The following RYR2 variants were observed in gnomAD, a reference collection of about 807,000 sequenced individuals.
RYR2 encodes the protein cardiac muscle ryanodine receptor-calcium release channel.
RYR2 carries 227 observed loss-of-function variants against 601.1 expected under a neutral mutation model. That is an observed-to-expected ratio of 0.38 (90% confidence interval 0.34 to 0.42). The LOEUF (loss-of-function observed/expected upper bound fraction) is 0.42. RYR2 is among the 10% of genes least tolerant of loss of function. RYR2 has a pLI of 1.00. For synonymous variants in RYR2, 2,223 were observed against 2,175.1 expected (o/e 1.02, Z -0.61); for missense variants, 4,646 against 6,156.5 (o/e 0.75, Z 8.21).
rs187139482 is a variant in RYR2, at chr1:237,316,784, T to G, written c.169-14094T>G. On this transcript the variant is annotated intron_variant, in intron 2 of 104. Coordinates refer to ENST00000366574, the MANE Select transcript of RYR2 (RefSeq NM_001035.3). The stretch of plus-strand genomic sequence containing the variant: ...ATTTTATTTTTTAAAGATGTTCATT[T>G]TACTTGCTTCTTTCCTGGGACTATT... Among the ~76,000 whole-genome samples the G allele has an allele frequency of 2.6e-5, 4 of 152,340 alleles. No individual in the cohort carries two copies. In the East Asian group the frequency reaches 5.8e-4, roughly 22 times the overall value.
intron 2 of RYR2, among the ~76,000 whole-genome samples, chr1:237,296,857 C>A (rs1294917349): frequency 2.6e-5 from 4 of 152,106 alleles, no homozygotes; most frequent in Non-Finnish European, 4.4e-5. Context: ...AGATAAAAAT[C>A]TTTCTTGGAA....
At chr1:237,827,627 CA>C (rs55896893) in intron 101 of RYR2, among the ~76,000 whole-genome samples, 6,215 of 79,278 alleles carry the variant, frequency 0.078, 306 homozygotes, top group African/African-American at 0.23. Flanking sequence ...AAGACTGTCT[CA>C]AAAAAAAAAA....
chr1:237,419,398 T>C (rs1449325482), intron 11 of RYR2, among the ~76,000 whole-genome samples: 1 of 152,214 alleles, frequency 6.6e-6, no homozygotes, highest in Non-Finnish European at 1.5e-5. Flanking sequence ...ATCTAGATTA[T>C]TCTTCAAACT....
At chr1:237,746,854 GAAATAATAAT>G (rs1429882390) in intron 80 of RYR2, among the ~76,000 whole-genome samples, 22 of 151,910 alleles carry the variant, frequency 1.4e-4, no homozygotes, top group Non-Finnish European at 2.9e-4. Context: ...TTTGCTAAGG[GAAATAATAAT>G]AAATAATAAT....
At chr1:237,298,080 A>G (rs964820940) in intron 2 of RYR2, among the ~76,000 whole-genome samples, 2 of 152,046 alleles carry the variant, frequency 1.3e-5, no homozygotes, top group African/African-American at 4.8e-5. Context: ...AAATATTACA[A>G]TGATGCTACT....
intron 1 of RYR2, among the ~76,000 whole-genome samples, chr1:237,057,882 G>A (rs1012788770): frequency 2.6e-5 from 4 of 152,094 alleles, no homozygotes; most frequent in East Asian, 3.9e-4. Flanking sequence ...TTCTTAATTC[G>A]AGAGCACATA....
At chr1:237,276,291 G>A (rs576199036) in intron 2 of RYR2, among the ~76,000 whole-genome samples, 8 of 152,178 alleles carry the variant, frequency 5.3e-5, no homozygotes, top group African/African-American at 1.9e-4. Flanking sequence ...GTAGAGACGG[G>A]GTTTTGCCAT....
At position 237,417,077 on chromosome 1, in the gene RYR2, T is replaced by TAA. The variant is rs1705080264; in HGVS notation, c.802_803insAA (p.Ser268Ter). The TAA allele has an allele frequency of 1.2e-6, 2 of 1,613,854 alleles. No individual in the cohort carries two copies. The highest frequency in any genetic ancestry group is 2.7e-5 in the African/African-American group (2 of 74,924). ...TGTTCATTATGAAGGTGGCGCTGTG[T>TAA]CTGTTCATGCACGTTCCCTTTGGAG... ...RTVHYEGGAV[S>*]VHARSLWRLE... The change falls in exon 11 of 105, where the codon TCT becomes TAACT. Residue 268 changes from serine to a stop codon, truncating the protein, a stop_gained and frameshift_variant. Transcript: ENST00000366574. LOFTEE classifies it high-confidence loss of function.
At chr1:237,126,688 A>G (rs1260514172) in intron 1 of RYR2, among the ~76,000 whole-genome samples, 1 of 152,154 alleles carries the variant, frequency 6.6e-6, no homozygotes, top group Non-Finnish European at 1.5e-5. Context: ...TGGCAGTTCT[A>G]ATTCTGTCTT....
intron 1 of RYR2, among the ~76,000 whole-genome samples, chr1:237,183,182 A>G (rs1401650140): frequency 6.6e-6 from 1 of 152,182 alleles, no homozygotes; most frequent in Non-Finnish European, 1.5e-5. Context: ...TTCAAAATAT[A>G]TCATCCTAAC....
chr1:237,102,328 A>T (rs1668200344), intron 1 of RYR2, among the ~76,000 whole-genome samples: 1 of 152,130 alleles, frequency 6.6e-6, no homozygotes, highest in African/African-American at 2.4e-5. Flanking sequence ...GGAAGGTTGA[A>T]AATATATTTC....
intron 1 of RYR2, among the ~76,000 whole-genome samples, chr1:237,150,359 A>G (rs1387797039): frequency 6.6e-6 from 1 of 152,180 alleles, no homozygotes; most frequent in African/African-American, 2.4e-5. Flanking sequence ...TTGGCCCTCA[A>G]TCTATCAATA....
At chr1:237,749,982 C>T (rs1692407378) in intron 80 of RYR2, among the ~76,000 whole-genome samples, 1 of 151,854 alleles carries the variant, frequency 6.6e-6, no homozygotes, top group South Asian at 2.1e-4. Flanking sequence ...CCCATCTCTG[C>T]TAAAAATACA....
chr1:237,820,914 G>T (rs1185740141), intron 101 of RYR2, among the ~76,000 whole-genome samples: 2 of 152,140 alleles, frequency 1.3e-5, no homozygotes, highest in South Asian at 2.1e-4. Context: ...TGGGAAGTTC[G>T]AACTGGGTGG....
intron 41 of RYR2, among the ~76,000 whole-genome samples, chr1:237,630,890 T>TTC (rs1680169141): frequency 6.6e-6 from 1 of 152,194 alleles, no homozygotes; most frequent in Non-Finnish European, 1.5e-5. Context: ...TATACTCAGT[T>TTC]TCTCTTGGAG....
intron 1 of RYR2, among the ~76,000 whole-genome samples, chr1:237,159,878 A>G (rs1362438980): frequency 6.6e-6 from 1 of 152,208 alleles, no homozygotes; most frequent in Non-Finnish European, 1.5e-5. Context: ...ATTTAGTGGA[A>G]ACACTCCCTT....
At chr1:237,573,176 A>G (rs553516714) in intron 29 of RYR2, among the ~76,000 whole-genome samples, 1 of 152,016 alleles carries the variant, frequency 6.6e-6, no homozygotes, top group South Asian at 2.1e-4. Flanking sequence ...CTGACTATTA[A>G]AGTATGTGGT....
chr1:237,775,614 T>C (rs963207176), intron 87 of RYR2, among the ~76,000 whole-genome samples: 1 of 152,170 alleles, frequency 6.6e-6, no homozygotes, highest in African/African-American at 2.4e-5. Context: ...TCCAACACCA[T>C]TGAAATAAAT....
chr1:237,508,872 A>T (rs1213770099), intron 23 of RYR2, among the ~76,000 whole-genome samples: 1 of 148,454 alleles, frequency 6.7e-6, no homozygotes, highest in Non-Finnish European at 1.5e-5. Context: ...CCTCCCGAGT[A>T]GCTGGGACTA....
Sources: gnomAD v4.1 joint callset for allele counts (sites outside exome capture counted in the v4.1 genomes callset) on GRCh38, gnomAD v4.1.1 for gene constraint, MANE v1.5 for transcripts, NCBI Gene and HGNC (gene_info 2026-07-23, HGNC 2026-07-21) for gene names.